Variants in NALF1 observed in about 807,000 individuals in gnomAD.
The protein encoded by NALF1 is family with sequence similarity 155 member A.
Under a neutral mutation model 48.4 loss-of-function variants are expected in NALF1, and 3 were observed. The ratio of observed to expected loss-of-function variants is 0.06; its 90% CI spans 0.03 to 0.16. The LOEUF is 0.16. Among genes scored for constraint, NALF1 ranks in the 10% least tolerant of loss-of-function variants. NALF1 has a pLI of 1.00. For missense variants in NALF1, 526 were observed against 571.5 expected (o/e 0.92, Z 0.81); for synonymous variants, 262 against 245.7 (o/e 1.07, Z -0.62).
Position 107,702,051 on chromosome 13 carries a change from G to A in NALF1, c.915+163631C>T, listed in dbSNP as rs77707035. Among the ~76,000 whole-genome samples, 935 of 152,220 alleles carry A rather than the reference G, an allele frequency of 6.1e-3. 8 individuals are homozygous for A. The highest frequency in any genetic ancestry group is 0.022 in the African/African-American group (895 of 41,540). Reference sequence around the variant, plus strand: ...AACTTAAATGGTCAAATGTATCTCTGAAAGCAAATAATGCTACACTATATA... The same window carrying A: ...AACTTAAATGGTCAAATGTATCTCTAAAAGCAAATAATGCTACACTATATA... On this transcript the variant is annotated intron_variant, in intron 1 of 2. Transcript: ENST00000375915.
rs1383562958 is a variant in NALF1, at chr13:107,169,832, C to T, written c.*665G>A. On this transcript the variant is annotated 3_prime_UTR_variant, in exon 3 of 3. Transcript: ENST00000375915. ...CGTGCACACCCATTCACTGTGGTTA[C>T]ACAGACAGAAGCAAGCGGATGTTGT... The T allele has an allele frequency of 2.6e-5, 4 of 152,640 alleles. No homozygotes were observed. The highest frequency in any genetic ancestry group is 2.6e-4 in the Admixed American group (4 of 15,274). 9.5% of individuals were successfully genotyped at this position (152,640 alleles called of 1,614,324 possible).
chr13:107,271,645 G>A (rs1881167805), intron 1 of NALF1, among the ~76,000 whole-genome samples: 1 of 151,612 alleles, frequency 6.6e-6, no homozygotes, highest in Admixed American at 6.6e-5. Flanking sequence ...TAATTTGTTA[G>A]TCAGCAGTTG....
At chr13:107,284,917 TA>T (rs1284157147) in intron 1 of NALF1, among the ~76,000 whole-genome samples, 5 of 146,546 alleles carry the variant, frequency 3.4e-5, no homozygotes, top group Non-Finnish European at 6.1e-5. Flanking sequence ...ATTTTTTTTT[TA>T]AATGATAGAT....
chr13:107,494,933 T>C (rs1285618087), intron 1 of NALF1, among the ~76,000 whole-genome samples: 1 of 152,176 alleles, frequency 6.6e-6, no homozygotes, highest in East Asian at 1.9e-4. Flanking sequence ...ATATGGAAAC[T>C]AAGTCTCACG....
At position 107,236,667 on chromosome 13, in the gene NALF1, GTCTGTCTA is replaced by G. The variant is rs1214396178; in HGVS notation, c.916-25920_916-25913del. On this transcript the variant is annotated intron_variant, in intron 1 of 2. Coordinates refer to ENST00000375915, the MANE Select transcript of NALF1 (RefSeq NM_001080396.3). ...TATGGCACTATCTATCTATCCATCT[GTCTGTCTA>G]TCTATCTATCTATCTATCTATCTAT... 4.3e-3 allele frequency among the ~76,000 whole-genome samples: 522 copies of G among 122,314 alleles called. 2 individuals are homozygous for G. The highest frequency in any genetic ancestry group is 0.012 in the African/African-American group (391 of 33,564). The allele number at this position is 122,314 out of a possible 152,430, so 80.2% of individuals were successfully genotyped here.
chr13:107,664,518 C>T (rs982710072), intron 1 of NALF1, among the ~76,000 whole-genome samples: 8 of 152,176 alleles, frequency 5.3e-5, no homozygotes, highest in Non-Finnish European at 1.0e-4. Flanking sequence ...CCTATGGTGA[C>T]GCCCTCTAAG....
intron 1 of NALF1, among the ~76,000 whole-genome samples, chr13:107,386,517 C>T (rs1158736839): frequency 1.3e-5 from 2 of 152,288 alleles, no homozygotes; most frequent in South Asian, 2.1e-4. Context: ...TGGGAAGAGT[C>T]TTCGAAATCC....
At chr13:107,600,441 A>T (rs1463166819) in intron 1 of NALF1, among the ~76,000 whole-genome samples, 1 of 150,588 alleles carries the variant, frequency 6.6e-6, no homozygotes, top group African/African-American at 2.4e-5. Context: ...ACTATTATGT[A>T]GGTTAATGTC....
intron 2 of NALF1, among the ~76,000 whole-genome samples, chr13:107,209,668 T>G (rs1039789472): frequency 6.6e-6 from 1 of 152,236 alleles, no homozygotes; most frequent in Non-Finnish European, 1.5e-5. Flanking sequence ...TATGCTACTC[T>G]GTTTTAGAGG....
chr13:107,357,001 G>T (rs1176757636), intron 1 of NALF1, among the ~76,000 whole-genome samples: 3 of 152,076 alleles, frequency 2.0e-5, no homozygotes, highest in African/African-American at 4.8e-5. Flanking sequence ...ATAGTGGCCT[G>T]GTCAAAGTAC....
rs895903688 is a variant in NALF1 at position 107,791,782 on chromosome 13, C to CA, written c.915+73899_915+73900insT. On this transcript the variant is annotated intron_variant, in intron 1 of 2. Transcript: ENST00000375915. ...CCTGGCCAACGTGGTGATCCCCGCCCCCCCCCGTCTCTACTAAAAATACAA... is the reference window on the plus strand; with the variant it reads ...CCTGGCCAACGTGGTGATCCCCGCCCACCCCCCGTCTCTACTAAAAATACAA... 5.9e-5 allele frequency among the ~76,000 whole-genome samples: 9 copies of CA among 151,468 alleles called. No individual in the cohort carries two copies. In the East Asian group the frequency reaches 9.8e-4, roughly 17 times the overall value.
chr13:107,736,181 A>G (rs1393867422), intron 1 of NALF1, among the ~76,000 whole-genome samples: 2 of 86,790 alleles, frequency 2.3e-5, no homozygotes, highest in African/African-American at 9.0e-5. Context: ...ACGCATGCAT[A>G]CACACACACA....
chr13:107,575,745 A>G (rs1403857891), intron 1 of NALF1, among the ~76,000 whole-genome samples: 1 of 152,088 alleles, frequency 6.6e-6, no homozygotes, highest in Non-Finnish European at 1.5e-5. Context: ...GTGTGAAAAA[A>G]TCAGATTTTG....
At chr13:107,742,795 TTATA>T (rs1329346768) in intron 1 of NALF1, among the ~76,000 whole-genome samples, 27 of 152,294 alleles carry the variant, frequency 1.8e-4, no homozygotes, top group African/African-American at 6.5e-4. Flanking sequence ...TGCTCATGGG[TTATA>T]CTCACAACCC....
chr13:107,399,091 T>C (rs796605400), intron 1 of NALF1, among the ~76,000 whole-genome samples: 8 of 152,260 alleles, frequency 5.3e-5, no homozygotes, highest in African/African-American at 1.9e-4. Flanking sequence ...TTATAGATTG[T>C]GCGCACCGTA....
intron 1 of NALF1, among the ~76,000 whole-genome samples, chr13:107,614,662 G>A (rs1419113125): frequency 6.6e-6 from 1 of 151,830 alleles, no homozygotes; most frequent in Non-Finnish European, 1.5e-5. Flanking sequence ...GTTTGTCCTT[G>A]GATCACATAT....
rs578239326 is a variant in NALF1, at chr13:107,362,159, C to T, written c.916-151404G>A. Among the ~76,000 whole-genome samples the T allele has an allele frequency of 6.6e-6, 1 of 152,206 alleles. No homozygotes were observed. Among genetic ancestry groups the T allele is most frequent in the Admixed American group, 6.5e-5 (1 of 15,282 alleles). Reference sequence around the variant, plus strand: ...TGGTTGTTACTCGAAAATAATCTACCCTTATTGACTGATTCTCCAAATGAC... The same window carrying T: ...TGGTTGTTACTCGAAAATAATCTACTCTTATTGACTGATTCTCCAAATGAC... On this transcript the variant is annotated intron_variant, in intron 1 of 2. Coordinates refer to ENST00000375915, the MANE Select transcript of NALF1 (RefSeq NM_001080396.3). This position sits in a 1 kb window ranked among gnomAD's most constrained non-coding sequence, Gnocchi z 4.6.
chr13:107,342,625 A>G (rs960660781), intron 1 of NALF1, among the ~76,000 whole-genome samples: 1 of 152,200 alleles, frequency 6.6e-6, no homozygotes, highest in Non-Finnish European at 1.5e-5. Flanking sequence ...AAGGGTGGAG[A>G]GATACAAACG....
intron 1 of NALF1, among the ~76,000 whole-genome samples, chr13:107,213,427 A>T (rs972022223): frequency 1.3e-5 from 2 of 152,132 alleles, no homozygotes; most frequent in African/African-American, 4.8e-5. Flanking sequence ...ATCCGTTATG[A>T]GCTACCTCCT....
Sources: allele counts gnomAD v4.1 joint callset (sites outside exome capture counted in the v4.1 genomes callset), GRCh38; gene constraint gnomAD v4.1.1; non-coding constraint Gnocchi (gnomAD v3.1); transcripts MANE v1.5; gene names NCBI Gene and HGNC (gene_info 2026-07-23, HGNC 2026-07-21).